Variants in CDC14B observed in about 807,000 individuals in gnomAD.
CDC14B encodes the protein cell division cycle 14B.
In CDC14B, 22 loss-of-function variants were observed where a neutral mutation model predicts 64.2. That is an observed-to-expected ratio of 0.34 (90% CI 0.24 to 0.49). The LOEUF (loss-of-function observed/expected upper bound fraction) is 0.49, where lower values mean the gene tolerates loss of function less well. Among genes scored for constraint, CDC14B ranks in the 20% least tolerant of loss-of-function variants. The pLI is 0.99. For missense variants in CDC14B, 498 were observed against 629.9 expected, an observed-to-expected ratio of 0.79 and a Z score of 2.24; for synonymous variants, 191 against 215.8, an observed-to-expected ratio of 0.89 and a Z score of 1.01.
At chr9:96,599,378 T>C (rs1203165089) in intron 1 of CDC14B, among the ~76,000 whole-genome samples, 1 of 149,612 alleles carries the variant, frequency 6.7e-6, no homozygotes, top group African/African-American at 2.5e-5. Flanking sequence ...TGAAACTCCG[T>C]TTAAAAAAAA....
chr9:96,605,835 T>C (rs1375268482), intron 1 of CDC14B, among the ~76,000 whole-genome samples: 1 of 151,848 alleles, frequency 6.6e-6, no homozygotes, highest in Admixed American at 6.6e-5. Flanking sequence ...CACTCCAGCC[T>C]GTGCAACAAG....
chr9:96,610,383 A>G (rs890602381), intron 1 of CDC14B, among the ~76,000 whole-genome samples: 1 of 152,006 alleles, frequency 6.6e-6, no homozygotes, highest in African/African-American at 2.4e-5. Flanking sequence ...TATTTTTAGT[A>G]GTGATGGGGT....
intron 1 of CDC14B, among the ~76,000 whole-genome samples, chr9:96,569,747 C>A (rs1844362958): frequency 6.6e-6 from 1 of 152,104 alleles, no homozygotes; most frequent in Non-Finnish European, 1.5e-5. Context: ...GCCTCAGCCT[C>A]CCAAGTAGCT....
intron 4 of CDC14B, among the ~76,000 whole-genome samples, chr9:96,554,703 T>C (rs1005351270): frequency 2.6e-5 from 4 of 152,232 alleles, no homozygotes; most frequent in African/African-American, 7.2e-5. Flanking sequence ...AATCCACTTA[T>C]ATAACTATCA....
At chr9:96,569,081 A>G (rs1036496261) in intron 1 of CDC14B, among the ~76,000 whole-genome samples, 1 of 152,242 alleles carries the variant, frequency 6.6e-6, no homozygotes, top group African/African-American at 2.4e-5. Context: ...AAACGTATCA[A>G]TGCCTTCATA....
rs569459320 is a variant in CDC14B, at chr9:96,526,084, T to C, written c.947-2359A>G. Among the ~76,000 whole-genome samples the C allele has an allele frequency of 8.6e-5, 13 of 151,962 alleles. No individual in the cohort carries two copies. The East Asian group carries it at 2.3e-3, about 27-fold the overall frequency. Reference sequence around the variant, plus strand: ...TTGTACTTCTAAGAAAAAAAAGAGATAGGCCGGGTGCGGTGGCTCACACCT... The same window carrying C: ...TTGTACTTCTAAGAAAAAAAAGAGACAGGCCGGGTGCGGTGGCTCACACCT... On this transcript the variant is annotated intron_variant, in intron 9 of 13. Coordinates refer to ENST00000375241, the MANE Select transcript of CDC14B (RefSeq NM_033331.4).
At chr9:96,510,646 C>T (rs1381023372) in intron 12 of CDC14B, among the ~76,000 whole-genome samples, 1 of 150,758 alleles carries the variant, frequency 6.6e-6, no homozygotes, top group African/African-American at 2.4e-5. Flanking sequence ...TGCTCTGTCG[C>T]CCAGGCTGGA....
intron 1 of CDC14B, among the ~76,000 whole-genome samples, chr9:96,574,066 G>A (rs1018902777): frequency 6.6e-6 from 1 of 151,780 alleles, no homozygotes; most frequent in Non-Finnish European, 1.5e-5. Context: ...AAAATGGTGT[G>A]AACCCGGGAG....
chr9:96,566,632 G>T (rs1036608959), intron 1 of CDC14B: 1 of 804,994 alleles, frequency 1.2e-6, no homozygotes, highest in Non-Finnish European at 2.0e-6. Context: ...CTGGGGACAA[G>T]TGCCGAGGCC....
At chr9:96,559,932 T>C (rs990554616) in intron 4 of CDC14B, among the ~76,000 whole-genome samples, 7 of 152,114 alleles carry the variant, frequency 4.6e-5, no homozygotes, top group Admixed American at 4.6e-4. Context: ...AAAAGGCCAA[T>C]ATAAAACTGG....
intron 12 of CDC14B, among the ~76,000 whole-genome samples, chr9:96,521,619 G>A (rs779218578): frequency 6.6e-6 from 1 of 152,142 alleles, no homozygotes; most frequent in African/African-American, 2.4e-5. Context: ...AGACACTAGT[G>A]AGGAATTACT....
At chr9:96,504,790 C>A (rs774458364) in intron 13 of CDC14B, among the ~76,000 whole-genome samples, 6 of 152,144 alleles carry the variant, frequency 3.9e-5, no homozygotes, top group Non-Finnish European at 7.3e-5. Context: ...GTGACACCAG[C>A]AAAGCCACCC....
chr9:96,576,712 GC>G (rs1166697813), intron 1 of CDC14B, among the ~76,000 whole-genome samples: 1 of 147,668 alleles, frequency 6.8e-6, no homozygotes, highest in East Asian at 2.0e-4. Flanking sequence ...AATCTATCAA[GC>G]AAAAACAAGT....
intron 12 of CDC14B, among the ~76,000 whole-genome samples, chr9:96,521,712 C>G (rs926632317): frequency 2.6e-5 from 4 of 152,156 alleles, no homozygotes; most frequent in African/African-American, 9.7e-5. Flanking sequence ...AAGATGCTTA[C>G]TGAATAAATG....
chr9:96,548,851 C>T (rs1841377349), intron 5 of CDC14B, among the ~76,000 whole-genome samples: 1 of 151,056 alleles, frequency 6.6e-6, no homozygotes, highest in Non-Finnish European at 1.5e-5. Context: ...TGAATTAAAT[C>T]TAATTAAATA....
At chr9:96,506,934 C>G (rs1259807673) in intron 13 of CDC14B, among the ~76,000 whole-genome samples, 1 of 152,216 alleles carries the variant, frequency 6.6e-6, no homozygotes, top group Admixed American at 6.5e-5. Flanking sequence ...CTTCTGTAAC[C>G]TAAAAAGCAT....
At chr9:96,571,580 A>G (rs1844478794) in intron 1 of CDC14B, among the ~76,000 whole-genome samples, 1 of 152,196 alleles carries the variant, frequency 6.6e-6, no homozygotes, top group African/African-American at 2.4e-5. Flanking sequence ...ACCTATAATA[A>G]AAGTTAATTA....
intron 4 of CDC14B, among the ~76,000 whole-genome samples, chr9:96,554,138 T>G (rs1054596268): frequency 6.6e-6 from 1 of 152,042 alleles, no homozygotes; most frequent in African/African-American, 2.4e-5. Flanking sequence ...CACTCCAGCA[T>G]GGGCGACAGA....
intron 11 of CDC14B, 82 bp from the exon 12 acceptor site, chr9:96,522,685 T>G (rs1212862711): frequency 3.5e-6 from 3 of 868,920 alleles, no homozygotes; most frequent in Non-Finnish European, 5.8e-6. Context: ...TTTATCCACA[T>G]GAACACAGTC....
Sources: gnomAD v4.1 joint callset for allele counts (sites outside exome capture counted in the v4.1 genomes callset) on GRCh38, gnomAD v4.1.1 for gene constraint, MANE v1.5 for transcripts, NCBI Gene and HGNC (gene_info 2026-07-23, HGNC 2026-07-21) for gene names.